NAP1L4: variants seen among roughly 807,000 people sequenced by gnomAD.
NAP1L4 encodes the protein nucleosome assembly protein 1-like 4.
A neutral mutation model predicts 58.2 loss-of-function variants in NAP1L4; 15 were observed. The observed-to-expected ratio is 0.26, with a 90% CI of 0.17 to 0.40. NAP1L4 has a LOEUF of 0.40. NAP1L4 is among the 10% of genes least tolerant of loss of function. The probability of loss-of-function intolerance (pLI) is 1.00; values close to 1 mark genes in which losing one functional copy is unlikely to be tolerated. For missense variants in NAP1L4, 384 were observed against 451.1 expected (o/e 0.85, Z 1.35); for synonymous variants, 171 against 155.6 (o/e 1.10, Z -0.74).
In NAP1L4 at chr11:2,951,975, C is replaced by T. The variant is rs1846252889; in HGVS notation, c.1036-166G>A. ...GCCTGAGGAGCCATTTGCTTGTGTG[C>T]AGCGCATTTTAAAAGCATGCCAGGA... On this transcript the variant is annotated intron_variant, in intron 12 of 15. Transcript: ENST00000380542. The surrounding 1 kb of genome is among the most constrained non-coding windows in gnomAD (Gnocchi z 4.0). 3.0e-6 allele frequency: 2 copies of T among 670,828 alleles called. No individual in the cohort carries two copies. The highest frequency in any genetic ancestry group is 3.4e-5 in the South Asian group (2 of 58,110). 41.6% of individuals were successfully genotyped at this position (670,828 alleles called of 1,614,324 possible). A position where few individuals can be genotyped will look rare whatever the true frequency, so the allele number is the denominator to read the frequency against.
At chr11:2,972,445 G>GA (rs1395397874) in intron 4 of NAP1L4, among the ~76,000 whole-genome samples, 1 of 152,024 alleles carries the variant, frequency 6.6e-6, no homozygotes, top group African/African-American at 2.4e-5. Flanking sequence ...ATTCACAAAA[G>GA]AAAAAACACA....
intron 8 of NAP1L4, among the ~76,000 whole-genome samples, chr11:2,962,693 A>C (rs956679564): frequency 6.6e-6 from 1 of 152,318 alleles, no homozygotes; most frequent in Admixed American, 6.5e-5. Flanking sequence ...ACTGGTCCAC[A>C]GTCTACCATA....
chr11:2,968,148 A>C (rs1847400124), intron 7 of NAP1L4, among the ~76,000 whole-genome samples: 2 of 152,110 alleles, frequency 1.3e-5, no homozygotes, highest in African/African-American at 4.8e-5. Context: ...ATGCCCCCCG[A>C]AGTCTGAGAA....
At chr11:2,962,000 A>G (rs1195238054) in intron 8 of NAP1L4, among the ~76,000 whole-genome samples, 1 of 152,232 alleles carries the variant, frequency 6.6e-6, no homozygotes, top group African/African-American at 2.4e-5. Flanking sequence ...TCACACACGC[A>G]CTACAGCCAG....
chr11:2,956,033 A>C (rs1318694266), intron 10 of NAP1L4, among the ~76,000 whole-genome samples: 1 of 152,124 alleles, frequency 6.6e-6, no homozygotes, highest in Non-Finnish European at 1.5e-5. Flanking sequence ...GCTTGAGAAG[A>C]TCATTTTGAG....
chr11:2,975,859 C>A (rs16928960), intron 4 of NAP1L4, among the ~76,000 whole-genome samples, 165 bp downstream of exon 4: 3,495 of 152,244 alleles, frequency 0.023, 145 homozygotes, highest in African/African-American at 0.08. Context: ...AGCCTAGGCA[C>A]CGGGTAGGGT....
intron 1 of NAP1L4, 30 bp from the exon 2 acceptor site, chr11:2,979,267 T>C (rs769628206): frequency 4.0e-5 from 62 of 1,558,254 alleles, no homozygotes; most frequent in Middle Eastern, 3.4e-4. Context: ...GTAATAATTA[T>C]ATTCATAAGC....
chr11:2,990,573 G>A (rs1221365976), intron 1 of NAP1L4: 1 of 152,250 alleles, frequency 6.6e-6, no homozygotes, highest in African/African-American at 2.4e-5. Flanking sequence ...AACCTCGTAA[G>A]CTAGAGTTCA....
intron 1 of NAP1L4, among the ~76,000 whole-genome samples, chr11:2,985,760 T>A (rs1848580723): frequency 2.0e-5 from 3 of 152,216 alleles, no homozygotes; most frequent in African/African-American, 7.2e-5. Flanking sequence ...GGCAAAAGAA[T>A]GTTGTAAGTT....
In NAP1L4 at chr11:2,969,911, GACT is replaced by G. The variant is rs758347694; in HGVS notation, c.423_425del (p.Val143del). 1.9e-6 allele frequency: 3 copies of G among 1,613,152 alleles called. No homozygotes were observed. Among genetic ancestry groups the G allele is most frequent in the Admixed American group, 1.7e-5 (1 of 59,930 alleles). On this transcript the variant is annotated inframe_deletion, in exon 7 of 16. Transcript: ENST00000380542. Reference sequence around the variant, plus strand: ...CCGTTGCCGCTGCTTTTTCTGTGACGACTACTTTACTTTTCATGTCTCCCTAAA... The same window carrying G: ...CCGTTGCCGCTGCTTTTTCTGTGACGACTTTACTTTTCATGTCTCCCTAAA...
intron 1 of NAP1L4, 114 bp from the exon 2 acceptor site, chr11:2,979,351 G>C (rs923273463): frequency 8.9e-6 from 7 of 788,336 alleles, no homozygotes; most frequent in Non-Finnish European, 1.4e-5. Flanking sequence ...GGACAGGAGG[G>C]AACTTTCTAG....
At chr11:2,987,859 C>T (rs1306453217) in intron 1 of NAP1L4, among the ~76,000 whole-genome samples, 1 of 151,982 alleles carries the variant, frequency 6.6e-6, no homozygotes, top group Non-Finnish European at 1.5e-5. Context: ...ATACAGAAGT[C>T]CCAAGGCCCA....
At chr11:2,984,552 C>G (rs1467935014) in intron 1 of NAP1L4, among the ~76,000 whole-genome samples, 2 of 152,282 alleles carry the variant, frequency 1.3e-5, no homozygotes, top group African/African-American at 4.8e-5. Flanking sequence ...GCCTGGGCAA[C>G]AAGAGCGAAA....
intron 4 of NAP1L4, among the ~76,000 whole-genome samples, chr11:2,974,648 C>T (rs1350105645): frequency 2.6e-5 from 4 of 152,192 alleles, no homozygotes; most frequent in Non-Finnish European, 4.4e-5. Context: ...ATAATCCCAG[C>T]ACTTTGGGAG....
chr11:2,976,814 C>T (rs887059704), intron 3 of NAP1L4, among the ~76,000 whole-genome samples: 1 of 152,252 alleles, frequency 6.6e-6, no homozygotes, highest in Non-Finnish European at 1.5e-5. Context: ...AAGGTAGTGA[C>T]TGTCCTTTTA....
At position 2,954,591 on chromosome 11, in the gene NAP1L4, C is replaced by T. The variant is rs1203095682; in HGVS notation, c.971G>A (p.Arg324His). 6 of 1,613,992 alleles carry T rather than the reference C, an allele frequency of 3.7e-6. No homozygotes were observed. Among genetic ancestry groups the T allele is most frequent in the Non-Finnish European group, 4.2e-6 (5 of 1,180,030 alleles). Residue 324 changes from arginine to histidine, a missense_variant, in exon 12 of 16, where the codon CGT becomes CAT. Arg to His is a conservative substitution (Grantham distance 29). Transcript: ENST00000380542. The surrounding 1 kb of genome is among the most constrained non-coding windows in gnomAD (Gnocchi z 4.8). ...CACAGCCCGCGGGACTATCCGCTCA[C>T]GGAAAAAGTGTCCAATTTCAAAATC... ...ASDFEIGHFF[R>H]ERIVPRAVLY... is the part of the protein sequence containing the mutation.
In NAP1L4 at chr11:2,959,590, G is replaced by C. The variant is rs777616711; in HGVS notation, c.746+180C>G. 1.3e-5 allele frequency among the ~76,000 whole-genome samples: 2 copies of C among 152,220 alleles called. No homozygotes were observed. Among genetic ancestry groups the C allele is most frequent in the Non-Finnish European group, 2.9e-5 (2 of 68,050 alleles). ...TCCCAGGTTCAGCCGCCATCTCCAAGTTCTGCACTATGAGCATTCCCAAAC... is the reference window on the plus strand; with the variant it reads ...TCCCAGGTTCAGCCGCCATCTCCAACTTCTGCACTATGAGCATTCCCAAAC... On this transcript the variant is annotated intron_variant, in intron 9 of 15. Transcript: ENST00000380542. The surrounding 1 kb of genome is among the most constrained non-coding windows in gnomAD (Gnocchi z 4.9).
chr11:2,971,276 A>G lies in NAP1L4; in HGVS notation c.402+172T>C, dbSNP rs1460080439. On this transcript the variant is annotated intron_variant, in intron 6 of 15. Coordinates refer to ENST00000380542, the MANE Select transcript of NAP1L4 (RefSeq NM_005969.4). The surrounding 1 kb of genome is among the most constrained non-coding windows in gnomAD (Gnocchi z 4.2). ...CATCTTACTCCTATTAACTGACAGT[A>G]CTGTGTCAGATGCTAGATCCATATC... is the stretch of plus-strand genomic sequence containing the variant. Among the ~76,000 whole-genome samples the G allele has an allele frequency of 6.6e-6, 1 of 152,252 alleles. No individual in the cohort carries two copies. The highest frequency in any genetic ancestry group is 1.5e-5 in the Non-Finnish European group (1 of 68,042).
chr11:2,973,259 T>C (rs559653930), intron 4 of NAP1L4, among the ~76,000 whole-genome samples: 20 of 152,230 alleles, frequency 1.3e-4, no homozygotes, highest in East Asian at 1.9e-4. Context: ...TTTTAAAAAA[T>C]AGTTGTTATG....
Sources: gnomAD v4.1 joint callset for allele counts (sites outside exome capture counted in the v4.1 genomes callset) on GRCh38, gnomAD v4.1.1 for gene constraint, Gnocchi (gnomAD v3.1) non-coding constraint, MANE v1.5 for transcripts, NCBI Gene and HGNC (gene_info 2026-07-23, HGNC 2026-07-21) for gene names.